ITGBL1: variants seen among roughly 807,000 people sequenced by gnomAD.
ITGBL1 encodes integrin beta-like protein 1.
In ITGBL1, 51 loss-of-function variants were observed where a neutral mutation model predicts 68.5. The observed-to-expected ratio is 0.74, with a 90% confidence interval of 0.59 to 0.94. The LOEUF is 0.94. Ranked by LOEUF, ITGBL1 falls within the 40% of genes least tolerant of loss-of-function variation. ITGBL1 has a pLI of 0.00. For missense variants in ITGBL1, 649 were observed against 647.4 expected, an observed-to-expected ratio of 1.00 and a Z score of -0.03; for synonymous variants, 209 against 227.3, an observed-to-expected ratio of 0.92 and a Z score of 0.72.
At chr13:101,584,279 T>C (rs1227500576) in intron 6 of ITGBL1, among the ~76,000 whole-genome samples, 1 of 152,114 alleles carries the variant, frequency 6.6e-6, no homozygotes, top group African/African-American at 2.4e-5. Flanking sequence ...AAATAAAATA[T>C]GTAAGTCCAG....
intron 4 of ITGBL1, among the ~76,000 whole-genome samples, chr13:101,578,953 A>T (rs948097267): frequency 6.6e-6 from 1 of 152,206 alleles, no homozygotes. Flanking sequence ...CCTTAGAGTG[A>T]ATGCTCATAT....
At chr13:101,583,797 T>C (rs1405724990) in intron 6 of ITGBL1, among the ~76,000 whole-genome samples, 1 of 152,212 alleles carries the variant, frequency 6.6e-6, no homozygotes, top group Non-Finnish European at 1.5e-5. Flanking sequence ...TTTGCAGTGC[T>C]CCTACTGGTA....
At chr13:101,664,655 G>A (rs932040834) in intron 7 of ITGBL1, among the ~76,000 whole-genome samples, 5 of 152,102 alleles carry the variant, frequency 3.3e-5, no homozygotes, top group Non-Finnish European at 5.9e-5. Flanking sequence ...GACCTTATGT[G>A]TATGAACCTG....
intron 7 of ITGBL1, among the ~76,000 whole-genome samples, chr13:101,676,949 C>T (rs773936633): frequency 7.9e-5 from 12 of 152,042 alleles, no homozygotes; most frequent in Non-Finnish European, 1.6e-4. Flanking sequence ...GGTGGCGAAA[C>T]TCCATCTCTG....
At chr13:101,496,638 A>C (rs1024777142) in intron 2 of ITGBL1, among the ~76,000 whole-genome samples, 1 of 152,116 alleles carries the variant, frequency 6.6e-6, no homozygotes, top group Non-Finnish European at 1.5e-5. Context: ...TTTCCCTTGG[A>C]ACCTTTTACC....
chr13:101,633,702 A>T (rs559786319), intron 7 of ITGBL1, among the ~76,000 whole-genome samples: 1 of 152,336 alleles, frequency 6.6e-6, no homozygotes, highest in East Asian at 1.9e-4. Context: ...GTTGCAGCTG[A>T]CATGTAACCT....
At chr13:101,613,290 A>T (rs1006241843) in intron 7 of ITGBL1, among the ~76,000 whole-genome samples, 1 of 152,208 alleles carries the variant, frequency 6.6e-6, no homozygotes, top group Non-Finnish European at 1.5e-5. Flanking sequence ...AACAAGGTCA[A>T]CGTTCATTCA....
At chr13:101,548,021 G>A (rs1359027168) in intron 2 of ITGBL1, among the ~76,000 whole-genome samples, 1 of 151,668 alleles carries the variant, frequency 6.6e-6, no homozygotes, top group Non-Finnish European at 1.5e-5. Context: ...TACCATTTTA[G>A]ATGTTTAAAA....
At chr13:101,707,759 A>G (rs1235797634) in intron 9 of ITGBL1, among the ~76,000 whole-genome samples, 1 of 151,100 alleles carries the variant, frequency 6.6e-6, no homozygotes, top group Non-Finnish European at 1.5e-5. Context: ...AGGCTGGGGC[A>G]GGGGAGGAGC....
chr13:101,494,801 A>T (rs2048832259), intron 2 of ITGBL1, among the ~76,000 whole-genome samples: 1 of 152,232 alleles, frequency 6.6e-6, no homozygotes, highest in Non-Finnish European at 1.5e-5. Context: ...CTATATGAAA[A>T]GTATACATGC....
intron 2 of ITGBL1, among the ~76,000 whole-genome samples, chr13:101,455,238 G>T (rs1223992646): frequency 1.3e-5 from 2 of 152,186 alleles, no homozygotes; most frequent in African/African-American, 2.4e-5. Context: ...CTCGGAACCT[G>T]GGCCCAGTAG....
intron 2 of ITGBL1, among the ~76,000 whole-genome samples, chr13:101,515,333 ATT>A (rs569032063): frequency 6.8e-6 from 1 of 146,410 alleles, no homozygotes. Context: ...AACCCCGGGT[ATT>A]TTTTTTTTTA....
At chr13:101,494,271 A>G (rs561944863) in intron 2 of ITGBL1, among the ~76,000 whole-genome samples, 15 of 152,312 alleles carry the variant, frequency 9.8e-5, no homozygotes, top group African/African-American at 3.1e-4. Context: ...CATATTTCAG[A>G]TGAAATTTGC....
chr13:101,487,092 T>G (rs1389982597), intron 2 of ITGBL1, among the ~76,000 whole-genome samples: 1 of 152,252 alleles, frequency 6.6e-6, no homozygotes, highest in Admixed American at 6.5e-5. Flanking sequence ...ATAGCCTATC[T>G]TATCATTTGT....
At chr13:101,485,480 T>A (rs11069444) in intron 2 of ITGBL1, among the ~76,000 whole-genome samples, 36,575 of 151,950 alleles carry the variant, frequency 0.24, 4,897 homozygotes, top group East Asian at 0.48. Flanking sequence ...AACTAAAACC[T>A]CAGTGAGATA....
chr13:101,683,998 C>G (rs1455934831), intron 7 of ITGBL1, among the ~76,000 whole-genome samples: 2 of 151,962 alleles, frequency 1.3e-5, no homozygotes, highest in Admixed American at 1.3e-4. Context: ...CTGATATCAT[C>G]TCTCATTCTG....
At position 101,585,920 on chromosome 13, in the gene ITGBL1, G is replaced by A. The variant is rs1339997491; in HGVS notation, c.868+2564G>A. 2.0e-5 allele frequency among the ~76,000 whole-genome samples: 3 copies of A among 152,030 alleles called. No individual in the cohort carries two copies. In the East Asian group the frequency reaches 5.8e-4, roughly 29 times the overall value. On this transcript the variant is annotated intron_variant, in intron 6 of 10. Coordinates refer to ENST00000376180, the MANE Select transcript of ITGBL1 (RefSeq NM_004791.3). ...TAATTCTGATGTTGATCCTGATTTT[G>A]GACTGGGGTTGAAAAATTCAAACTA...
rs373863500 is a variant in ITGBL1 at position 101,561,527 on chromosome 13, A to G, written c.317-6172A>G. Reference sequence around the variant, plus strand: ...AATAACGAAGAAAACATATCACACAAAAACAAAGAGGTGGACTTATCATTT... The same window carrying G: ...AATAACGAAGAAAACATATCACACAGAAACAAAGAGGTGGACTTATCATTT... On this transcript the variant is annotated intron_variant, in intron 2 of 10. Coordinates refer to ENST00000376180, the MANE Select transcript of ITGBL1 (RefSeq NM_004791.3). Among the ~76,000 whole-genome samples the G allele has an allele frequency of 5.3e-5, 8 of 152,286 alleles. No individual in the cohort carries two copies. In the East Asian group the frequency reaches 1.4e-3, roughly 26 times the overall value.
Position 101,706,911 on chromosome 13 carries a change from C to T in ITGBL1, c.1279+9C>T. On this transcript the variant is annotated intron_variant, in intron 9 of 10. Transcript: ENST00000376180. ...ATTGTGCTCGGGGAAGGGTGAGTAT[C>T]TCTGCTGGTGCCTGGACTCCATTCC... 1.2e-6 allele frequency: 2 copies of T among 1,612,706 alleles called. No individual in the cohort carries two copies. The highest frequency in any genetic ancestry group is 1.7e-6 in the Non-Finnish European group (2 of 1,179,032).
Sources: gnomAD v4.1 joint callset for allele counts (sites outside exome capture counted in the v4.1 genomes callset) on GRCh38, gnomAD v4.1.1 for gene constraint, MANE v1.5 for transcripts, NCBI Gene and HGNC (gene_info 2026-07-23, HGNC 2026-07-21) for gene names.